The following PCDH15 variants were observed in gnomAD, a reference collection of about 807,000 sequenced individuals.
The protein encoded by PCDH15 is protocadherin related 15, also known as protocadherin-15.
Under a neutral mutation model 178.5 loss-of-function variants are expected in PCDH15, and 129 were observed. That is an observed-to-expected ratio of 0.72 (90% CI 0.63 to 0.84). The LOEUF (loss-of-function observed/expected upper bound fraction) is 0.84, where lower values mean the gene tolerates loss of function less well. Ranked by LOEUF, PCDH15 falls within the 40% of genes least tolerant of loss-of-function variation. The pLI is 0.00. For missense variants in PCDH15, 2,230 were observed against 2,099.9 expected, an observed-to-expected ratio of 1.06 and a Z score of -1.21; for synonymous variants, 800 against 732.0, an observed-to-expected ratio of 1.09 and a Z score of -1.50.
chr10:54,611,707 C>T (rs989994792), intron 2 of PCDH15, among the ~76,000 whole-genome samples: 3 of 151,768 alleles, frequency 2.0e-5, no homozygotes, highest in Non-Finnish European at 4.4e-5. Context: ...ATCAAGGCAC[C>T]TTAGGGTTAG....
At chr10:54,871,731 T>C (rs1192586680) in intron 3 of PCDH15, among the ~76,000 whole-genome samples, 1 of 152,076 alleles carries the variant, frequency 6.6e-6, no homozygotes, top group Admixed American at 6.6e-5. Context: ...ATAAATTATT[T>C]TTGTTCATAA....
At chr10:54,719,795 T>G (rs7098425) in intron 1 of PCDH15, among the ~76,000 whole-genome samples, 133,195 of 151,946 alleles carry the variant, frequency 0.88, 59,033 homozygotes, top group Middle Eastern at 0.93. Context: ...TTTTGTTCCT[T>G]TGTTAGTTTG....
At chr10:54,885,601 G>A (rs192585445) in intron 3 of PCDH15, among the ~76,000 whole-genome samples, 16 of 152,168 alleles carry the variant, frequency 1.1e-4, no homozygotes, top group East Asian at 1.9e-4. Flanking sequence ...AGTAGTAAAC[G>A]TAGTAATCAA....
intron 3 of PCDH15, among the ~76,000 whole-genome samples, chr10:54,494,670 C>A (rs1294086765): frequency 6.6e-6 from 1 of 152,060 alleles, no homozygotes; most frequent in East Asian, 1.9e-4. Context: ...TTTTGCCTAA[C>A]CCTTGTGAGG....
intron 3 of PCDH15, among the ~76,000 whole-genome samples, chr10:54,449,083 G>A (rs1360541528): frequency 6.6e-6 from 1 of 151,606 alleles, no homozygotes; most frequent in Non-Finnish European, 1.5e-5. Flanking sequence ...GCTACGGCAG[G>A]GAAGTTCAAA....
intron 26 of PCDH15, among the ~76,000 whole-genome samples, chr10:53,870,085 G>A (rs2079728948): frequency 6.6e-6 from 1 of 152,152 alleles, no homozygotes; most frequent in South Asian, 2.1e-4. Flanking sequence ...GGTATATTAA[G>A]CTACTTTACA....
At chr10:55,173,290 A>T (rs1290739172) in intron 1 of PCDH15, among the ~76,000 whole-genome samples, 3 of 144,136 alleles carry the variant, frequency 2.1e-5, no homozygotes, top group Non-Finnish European at 4.6e-5. Flanking sequence ...GAATCCTTTG[A>T]TTCTATATTA....
chr10:53,855,414 A>G (rs1204379971), intron 28 of PCDH15, among the ~76,000 whole-genome samples: 1 of 152,084 alleles, frequency 6.6e-6, no homozygotes, highest in Non-Finnish European at 1.5e-5. Flanking sequence ...TATATAAACT[A>G]CTTCTGCAGA....
intron 2 of PCDH15, among the ~76,000 whole-genome samples, chr10:55,435,236 C>T (rs922737477): frequency 6.6e-6 from 1 of 152,036 alleles, no homozygotes; most frequent in Admixed American, 6.5e-5. Flanking sequence ...TTGGTATAAG[C>T]TTAAAGGTAC....
At chr10:53,997,480 A>C (rs1279664608) in intron 20 of PCDH15, among the ~76,000 whole-genome samples, 2 of 152,120 alleles carry the variant, frequency 1.3e-5, no homozygotes, top group African/African-American at 4.8e-5. Context: ...CCAACACTGC[A>C]ATGTTTCCAT....
At chr10:54,877,362 A>C (rs1954164559) in intron 3 of PCDH15, among the ~76,000 whole-genome samples, 1 of 152,158 alleles carries the variant, frequency 6.6e-6, no homozygotes, top group Non-Finnish European at 1.5e-5. Flanking sequence ...ACCTAATGAA[A>C]ATAGCTACCT....
In PCDH15 at chr10:53,904,468, C is replaced by CTTT. The variant is rs10659966; in HGVS notation, c.3374-1101_3374-1099dup. On this transcript the variant is annotated intron_variant, in intron 25 of 37. Coordinates refer to ENST00000644397, the MANE Select transcript of PCDH15 (RefSeq NM_001384140.1). ...GTATTAGTAAGAACTTAGAAATAGT[C>CTTT]TTTTTTTTTTTTTTGCTTGCCCTTG... Among the ~76,000 whole-genome samples, 322 of 144,042 alleles carry CTTT rather than the reference C, an allele frequency of 2.2e-3. 3 individuals are homozygous for CTTT. The highest frequency in any genetic ancestry group is 0.015 in the Middle Eastern group (4 of 270). 94.5% of individuals were successfully genotyped at this position (144,042 alleles called of 152,430 possible). A position where few individuals can be genotyped will look rare whatever the true frequency, so the allele number is the denominator to read the frequency against.
upstream of PCDH15, among the ~76,000 whole-genome samples, chr10:54,804,227 G>T (rs1952737484): frequency 1.3e-5 from 2 of 152,096 alleles, no homozygotes; most frequent in South Asian, 2.1e-4. Context: ...TTTTAGTAGA[G>T]ACGGGGTTTC....
At position 55,002,498 on chromosome 10, in the gene PCDH15, C is replaced by T. The variant is rs1839816042; in HGVS notation, c.-79-104998G>A. Among the ~76,000 whole-genome samples, 9 of 77,252 alleles carry T rather than the reference C, an allele frequency of 1.2e-4. No homozygotes were observed. In the South Asian group the frequency reaches 4.3e-3, roughly 37 times the overall value. 50.7% of individuals were successfully genotyped at this position (77,252 alleles called of 152,430 possible). ...ATGTATGCAAGGAGTAACCTTACCA[C>T]ATTAATACAATGTTTTGCCTAGACA... On this transcript the variant is annotated intron_variant, in intron 2 of 5. Transcript: ENST00000458638.
At chr10:54,508,307 T>C (rs2081339930) in intron 3 of PCDH15, among the ~76,000 whole-genome samples, 1 of 152,042 alleles carries the variant, frequency 6.6e-6, no homozygotes, top group South Asian at 2.1e-4. Flanking sequence ...TGCAGCATGG[T>C]TAAGGGCAAT....
intron 3 of PCDH15, among the ~76,000 whole-genome samples, chr10:54,460,180 C>G (rs547185040): frequency 1.3e-5 from 2 of 152,112 alleles, no homozygotes; most frequent in Non-Finnish European, 2.9e-5. Context: ...ATACTGAACT[C>G]TTTAGGAATT....
intron 3 of PCDH15, among the ~76,000 whole-genome samples, chr10:54,454,988 C>T (rs35722445): frequency 0.42 from 64,352 of 151,884 alleles, 14,836 homozygotes; most frequent in Middle Eastern, 0.56. Context: ...TACTCTCATG[C>T]TGTTCTTGTG....
intron 5 of PCDH15, among the ~76,000 whole-genome samples, 180 bp from the exon 6 acceptor site, chr10:54,346,664 G>C (rs1238194829): frequency 6.6e-6 from 1 of 152,150 alleles, no homozygotes; most frequent in East Asian, 1.9e-4. Flanking sequence ...TTCTTAAAAT[G>C]TCTGAAATGT....
At chr10:55,455,798 C>A (rs1036812354) in intron 2 of PCDH15, among the ~76,000 whole-genome samples, 7 of 151,796 alleles carry the variant, frequency 4.6e-5, no homozygotes, top group Admixed American at 1.3e-4. Context: ...GACAAGGCAC[C>A]CCACAAGAAA....
Sources: gnomAD v4.1 joint callset for allele counts (sites outside exome capture counted in the v4.1 genomes callset) on GRCh38, gnomAD v4.1.1 for gene constraint, MANE v1.5 for transcripts, NCBI Gene and HGNC (gene_info 2026-07-23, HGNC 2026-07-21) for gene names.